The following MNAT1 variants were observed in gnomAD, a reference collection of about 807,000 sequenced individuals.
The protein encoded by MNAT1 is MNAT1 component of CDK activating kinase.
MNAT1 carries 43 observed loss-of-function variants against 42.0 expected under a neutral mutation model. The ratio of observed to expected loss-of-function variants is 1.02; its 90% CI spans 0.80 to 1.32. The LOEUF (loss-of-function observed/expected upper bound fraction) is 1.32, where lower values mean the gene tolerates loss of function less well. MNAT1 is among the 40% of genes most tolerant of loss of function. The pLI is 0.00. For missense variants in MNAT1, 306 were observed against 350.4 expected (o/e 0.87, Z 1.01); for synonymous variants, 118 against 120.0 (o/e 0.98, Z 0.11).
At chr14:60,844,036 T>G (rs1402365565) in intron 6 of MNAT1, among the ~76,000 whole-genome samples, 1 of 152,204 alleles carries the variant, frequency 6.6e-6, no homozygotes, top group Non-Finnish European at 1.5e-5. Flanking sequence ...AATACTTTTC[T>G]TCATTGGATT....
At chr14:60,840,383 A>C (rs1344420901) in intron 6 of MNAT1, among the ~76,000 whole-genome samples, 1 of 152,210 alleles carries the variant, frequency 6.6e-6, no homozygotes, top group African/African-American at 2.4e-5. Flanking sequence ...TGTATTTCTA[A>C]GGAAAGTGGT....
intron 7 of MNAT1, among the ~76,000 whole-genome samples, chr14:60,887,310 A>G (rs2034699945): frequency 6.6e-6 from 1 of 151,532 alleles, no homozygotes; most frequent in Non-Finnish European, 1.5e-5. Flanking sequence ...ACATATGCAT[A>G]CATGTGCCAT....
chr14:60,775,882 ATGACT>A (rs1446280530), intron 1 of MNAT1, among the ~76,000 whole-genome samples: 1 of 152,220 alleles, frequency 6.6e-6, no homozygotes, highest in African/African-American at 2.4e-5. Context: ...GAATGGGAAA[ATGACT>A]TTAATTAAAA....
At chr14:60,777,003 ACTCCCGG>A (rs1487102961) in intron 1 of MNAT1, among the ~76,000 whole-genome samples, 1 of 151,552 alleles carries the variant, frequency 6.6e-6, no homozygotes, top group Non-Finnish European at 1.5e-5. Flanking sequence ...GCACACCACC[ACTCCCGG>A]CTAATTTTTT....
chr14:60,798,124 G>T lies in MNAT1; in HGVS notation c.280G>T (p.Glu94Ter), dbSNP rs1413220466. 2 of 1,525,916 alleles carry T rather than the reference G, an allele frequency of 1.3e-6. No individual in the cohort carries two copies. Among genetic ancestry groups the T allele is most frequent in the South Asian group, 2.3e-5 (2 of 88,822 alleles). 94.5% of individuals were successfully genotyped at this position (1,525,916 alleles called of 1,614,324 possible). A position where few individuals can be genotyped will look rare whatever the true frequency, so the allele number is the denominator to read the frequency against. ...KREEDFPSLR[E>*]YNDFLEEVEE... ...GGAAGAAGATTTTCCTAGTCTAAGA[G>T]AATACAATGATTTCTTGGAAGAAGT... is the stretch of plus-strand genomic sequence containing the variant. Residue 94 changes from glutamate to a stop codon, truncating the protein, a stop_gained, in exon 3 of 8, where the codon GAA becomes TAA. Transcript: ENST00000261245. LOFTEE classifies it high-confidence loss of function.
chr14:60,909,085 A>C (rs1452452490), intron 7 of MNAT1, among the ~76,000 whole-genome samples: 2 of 152,012 alleles, frequency 1.3e-5, no homozygotes, highest in Admixed American at 6.6e-5. Flanking sequence ...GATGATTAGA[A>C]TTTTTTCATG....
chr14:60,911,247 C>T (rs2035350416), intron 7 of MNAT1, among the ~76,000 whole-genome samples: 1 of 152,046 alleles, frequency 6.6e-6, no homozygotes, highest in Non-Finnish European at 1.5e-5. Flanking sequence ...AGCAGTCTAT[C>T]AATTTTGTTG....
chr14:60,906,874 T>C (rs2035211745), intron 7 of MNAT1, among the ~76,000 whole-genome samples: 1 of 152,200 alleles, frequency 6.6e-6, no homozygotes, highest in Non-Finnish European at 1.5e-5. Context: ...TATTAACATC[T>C]TTATTTCTCG....
At chr14:60,919,392 C>T (rs746575030) in intron 7 of MNAT1, 2 of 156,136 alleles carry the variant, frequency 1.3e-5, no homozygotes, top group Non-Finnish European at 2.9e-5. Flanking sequence ...TTGGGTTTTG[C>T]TGCACATCAT....
intron 7 of MNAT1, among the ~76,000 whole-genome samples, chr14:60,895,018 A>G (rs940065301): frequency 2.0e-5 from 3 of 152,168 alleles, no homozygotes; most frequent in Non-Finnish European, 2.9e-5. Flanking sequence ...ACCAAAATAG[A>G]ATGTGTAACT....
chr14:60,786,884 A>T (rs888425593), intron 1 of MNAT1, among the ~76,000 whole-genome samples: 1 of 152,214 alleles, frequency 6.6e-6, no homozygotes, highest in Admixed American at 6.5e-5. Context: ...TTGTTTTTGG[A>T]CATACTTAGT....
intron 6 of MNAT1, among the ~76,000 whole-genome samples, chr14:60,875,962 A>G (rs2139457471): frequency 6.6e-6 from 1 of 152,016 alleles, no homozygotes; most frequent in Non-Finnish European, 1.5e-5. Context: ...GTACTTCTTT[A>G]ATTGTCACAG....
At position 60,738,858 on chromosome 14, in the gene MNAT1, T is replaced by A. The variant is rs34133616; in HGVS notation, c.89+3907T>A. Among the ~76,000 whole-genome samples the A allele has an allele frequency of 2.6e-3, 394 of 152,186 alleles. 3 individuals carry two copies. The highest frequency in any genetic ancestry group is 3.3e-3 in the Non-Finnish European group (221 of 67,996). On this transcript the variant is annotated intron_variant, in intron 1 of 7. Transcript: ENST00000261245. Reference sequence around the variant, plus strand: ...CCTCATTTTGGCTCTTAATGAAAAATTTTTTGATAGTTTGTTGAGTTTTTA... The same window carrying A: ...CCTCATTTTGGCTCTTAATGAAAAAATTTTTGATAGTTTGTTGAGTTTTTA...
rs1417153261 is a variant in MNAT1 at position 60,740,876 on chromosome 14, A to G, written c.89+5925A>G. ...GTAGTATAAGTTATAAACGTGGTAC[A>G]TATTACCATACCCATCTTGGTTGAT... On this transcript the variant is annotated intron_variant, in intron 1 of 7. Transcript: ENST00000261245. The surrounding 1 kb of genome is among the most constrained non-coding windows in gnomAD (Gnocchi z 4.1). Among the ~76,000 whole-genome samples the G allele has an allele frequency of 1.3e-5, 2 of 152,204 alleles. No individual in the cohort carries two copies. Among genetic ancestry groups the G allele is most frequent in the Non-Finnish European group, 2.9e-5 (2 of 68,034 alleles).
Position 60,765,756 on chromosome 14 carries a change from C to A in MNAT1, c.90-30461C>A, listed in dbSNP as rs1462021529. 2.6e-5 allele frequency among the ~76,000 whole-genome samples: 4 copies of A among 152,002 alleles called. No homozygotes were observed. The East Asian group carries it at 7.7e-4, about 29-fold the overall frequency. On this transcript the variant is annotated intron_variant, in intron 1 of 7. Coordinates refer to ENST00000261245, the MANE Select transcript of MNAT1 (RefSeq NM_002431.4). ...TTAGACTGAATATAAAAATCTTATA[C>A]CTCTAGGCAATCTAAGACATACAGT...
intron 1 of MNAT1, among the ~76,000 whole-genome samples, chr14:60,762,705 C>CAAAAAAAA (rs33957783): frequency 2.1e-5 from 2 of 94,798 alleles, no homozygotes; most frequent in African/African-American, 4.2e-5. Context: ...GACTCTGTCT[C>CAAAAAAAA]AAAAAAAAAA....
At chr14:60,744,897 GGTA>G (rs1896571069) in intron 1 of MNAT1, among the ~76,000 whole-genome samples, 1 of 152,080 alleles carries the variant, frequency 6.6e-6, no homozygotes, top group South Asian at 2.1e-4. Flanking sequence ...GGGAACTCTA[GGTA>G]TACCCAGTAC....
chr14:60,848,952 A>G (rs535718050), intron 6 of MNAT1, among the ~76,000 whole-genome samples: 4 of 152,296 alleles, frequency 2.6e-5, no homozygotes, highest in South Asian at 4.1e-4. Context: ...GTCAAGTAAT[A>G]TTTTGGGCTA....
intron 3 of MNAT1, 123 bp downstream of exon 3, chr14:60,798,283 C>T (rs2032085275): frequency 2.0e-6 from 1 of 509,380 alleles, no homozygotes; most frequent in Admixed American, 3.3e-5. Flanking sequence ...TAACATTTAC[C>T]TAATTACTTT....
Sources: allele counts gnomAD v4.1 joint callset (sites outside exome capture counted in the v4.1 genomes callset), GRCh38; gene constraint gnomAD v4.1.1; non-coding constraint Gnocchi (gnomAD v3.1); transcripts MANE v1.5; gene names NCBI Gene and HGNC (gene_info 2026-07-23, HGNC 2026-07-21).